Variants in CCDC7 observed in about 807,000 individuals in gnomAD.
CCDC7 encodes the protein coiled-coil domain containing 7, also known as coiled-coil domain-containing protein 7.
CCDC7 carries 183 observed loss-of-function variants against 196.9 expected under a neutral mutation model. The observed-to-expected ratio is 0.93, with a 90% CI of 0.82 to 1.05. CCDC7 has a LOEUF of 1.05. Among genes scored for constraint, CCDC7 ranks in the 50% least tolerant of loss-of-function variants. The probability of loss-of-function intolerance (pLI) is 0.00; values close to 1 mark genes in which losing one functional copy is unlikely to be tolerated. For missense variants in CCDC7, 1,540 were observed against 1,482.2 expected, an observed-to-expected ratio of 1.04 and a Z score of -0.64; for synonymous variants, 525 against 484.6, an observed-to-expected ratio of 1.08 and a Z score of -1.10.
chr10:32,712,438 A>G (rs756311092), intron 25 of CCDC7, among the ~76,000 whole-genome samples: 35 of 152,160 alleles, frequency 2.3e-4, no homozygotes, highest in Admixed American at 1.6e-3. Flanking sequence ...GCCTTTTCCA[A>G]TGATAATGGC....
At chr10:32,584,763 A>G (rs957058739) in intron 18 of CCDC7, among the ~76,000 whole-genome samples, 4 of 150,812 alleles carry the variant, frequency 2.7e-5, no homozygotes, top group Non-Finnish European at 5.9e-5. Flanking sequence ...AAAAAAAAAA[A>G]AAAAAAAAAA....
At chr10:32,640,938 A>G (rs1207291953) in intron 20 of CCDC7, among the ~76,000 whole-genome samples, 7 of 133,572 alleles carry the variant, frequency 5.2e-5, no homozygotes, top group Non-Finnish European at 1.1e-4. Flanking sequence ...GGTTAGTTAC[A>G]TATGTATACA....
chr10:32,463,074 TAA>T (rs1486988626), intron 5 of CCDC7, 25 bp downstream of exon 6: 1 of 1,611,580 alleles, frequency 6.2e-7, no homozygotes, highest in Non-Finnish European at 8.5e-7. Flanking sequence ...TTAAAATTGT[TAA>T]GTTAATATTT....
chr10:32,882,324 G>A (rs991557228), intron 22 of CCDC7, among the ~76,000 whole-genome samples: 1 of 152,126 alleles, frequency 6.6e-6, no homozygotes, highest in Non-Finnish European at 1.5e-5. Context: ...TAACGGCGAG[G>A]GGTGAGAAAC....
chr10:32,856,755 A>T (rs1277187670), intron 41 of CCDC7, among the ~76,000 whole-genome samples: 2 of 152,044 alleles, frequency 1.3e-5, no homozygotes, highest in Non-Finnish European at 2.9e-5. Context: ...TTGGGGCCTA[A>T]ACCTCTGGAA....
exon 35 of CCDC7, chr10:32,845,622 C>T: frequency 1.2e-6 from 2 of 1,609,188 alleles, no homozygotes; most frequent in East Asian, 4.5e-5. Flanking sequence ...TAAAAAGTCA[C>T]CCAGGTAAGA....
chr10:32,521,710 G>T (rs768790355), intron 11 of CCDC7, among the ~76,000 whole-genome samples: 3 of 150,900 alleles, frequency 2.0e-5, no homozygotes, highest in Non-Finnish European at 4.4e-5. Context: ...TTATCTGATT[G>T]CTCTAGTGAG....
intron 8 of CCDC7, among the ~76,000 whole-genome samples, chr10:32,475,107 A>C (rs2038726149): frequency 6.6e-6 from 1 of 152,182 alleles, no homozygotes; most frequent in African/African-American, 2.4e-5. Context: ...AATCCTTTGT[A>C]CATCTATGGA....
At chr10:32,453,261 A>T in intron 1 of CCDC7, 83 bp from the exon 3 acceptor site, 1 of 1,043,392 alleles carries the variant, frequency 9.6e-7, no homozygotes, top group Non-Finnish European at 1.2e-6. Context: ...GTCCTGGCAT[A>T]ATTGATTAAA....
chr10:32,645,105 C>T (rs2067521719), intron 20 of CCDC7, among the ~76,000 whole-genome samples: 1 of 152,132 alleles, frequency 6.6e-6, no homozygotes, highest in African/African-American at 2.4e-5. Context: ...AAATGTTCAA[C>T]ATCACTAATC....
chr10:32,533,646 T>A (rs1190564441), intron 11 of CCDC7, among the ~76,000 whole-genome samples: 5 of 152,080 alleles, frequency 3.3e-5, no homozygotes, highest in South Asian at 2.1e-4. Flanking sequence ...ATCTCCTTCA[T>A]ATTTGAAGGA....
chr10:32,550,303 G>A (rs565258173), intron 13 of CCDC7, among the ~76,000 whole-genome samples: 1 of 152,178 alleles, frequency 6.6e-6, no homozygotes, highest in South Asian at 2.1e-4. Context: ...AGTTCTAGGA[G>A]CTTTCTGGAG....
chr10:32,845,986 A>G (rs767444230), intron 36 of CCDC7, 27 bp downstream of exon 37: 3 of 1,507,818 alleles, frequency 2.0e-6, no homozygotes, highest in Non-Finnish European at 2.8e-6. Flanking sequence ...TTCAAGTCTA[A>G]TATTTAGGCT....
chr10:32,460,034 A>G (rs2035294499), intron 3 of CCDC7, among the ~76,000 whole-genome samples: 1 of 152,172 alleles, frequency 6.6e-6, no homozygotes, highest in Non-Finnish European at 1.5e-5. Context: ...TATATGATCA[A>G]ATATGATACT....
intron 20 of CCDC7, among the ~76,000 whole-genome samples, chr10:32,653,498 C>T (rs2069165961): frequency 6.6e-6 from 1 of 152,170 alleles, no homozygotes; most frequent in Admixed American, 6.5e-5. Flanking sequence ...AGTTATTATG[C>T]TAAAACCAGG....
rs143130668 is a variant in CCDC7, at chr10:32,772,217, G to T, written c.2906-6760G>T. Among the ~76,000 whole-genome samples the T allele has an allele frequency of 3.7e-3, 570 of 152,292 alleles. 5 individuals carry two copies. Among genetic ancestry groups the T allele is most frequent in the Non-Finnish European group, 4.8e-3 (326 of 68,016 alleles). ...GGTTGATGTTCCACAGGGGAGCATT[G>T]CTGCCTCTGCTATGCAGAAGAGTTT... On this transcript the variant is annotated intron_variant, in intron 28 of 41. Transcript: ENST00000639629.
intron 29 of CCDC7, among the ~76,000 whole-genome samples, chr10:32,796,043 G>C (rs1007807949): frequency 6.6e-6 from 1 of 152,112 alleles, no homozygotes; most frequent in Non-Finnish European, 1.5e-5. Flanking sequence ...GCAGTTTTGA[G>C]GGCTAAGGAT....
At chr10:32,491,491 C>T (rs973106075) in intron 8 of CCDC7, among the ~76,000 whole-genome samples, 4 of 152,050 alleles carry the variant, frequency 2.6e-5, no homozygotes, top group Non-Finnish European at 4.4e-5. Context: ...TCCCATAGAC[C>T]TTATTGACTT....
In CCDC7 at chr10:32,633,696, A is replaced by ATATATATATATGTG. The variant is rs779341941; in HGVS notation, c.1802-557_1802-556insATATATATATGTGT. On this transcript the variant is annotated intron_variant, in intron 18 of 41. Coordinates refer to ENST00000639629, the Ensembl canonical transcript of CCDC7. The stretch of plus-strand genomic sequence containing the variant: ...TTTAGCTTTGTGTATATATATATAT[A>ATATATATATATGTG]TGTGTGTGTGTGTGTGTGTGTGTGT... Among the ~76,000 whole-genome samples, 433 of 135,198 alleles carry ATATATATATATGTG rather than the reference A, an allele frequency of 3.2e-3. 7 individuals are homozygous for ATATATATATATGTG. The highest frequency in any genetic ancestry group is 0.012 in the African/African-American group (422 of 35,842). 88.7% of individuals were successfully genotyped at this position (135,198 alleles called of 152,430 possible).
Sources: allele counts gnomAD v4.1 joint callset (sites outside exome capture counted in the v4.1 genomes callset), GRCh38; gene constraint gnomAD v4.1.1; transcripts MANE v1.5; gene names NCBI Gene and HGNC (gene_info 2026-07-23, HGNC 2026-07-21).